Variants in CHD8 observed in about 807,000 individuals in gnomAD.
CHD8 encodes chromodomain helicase DNA binding protein 8.
A neutral mutation model predicts 279.2 loss-of-function variants in CHD8; 31 were observed. The ratio of observed to expected loss-of-function variants is 0.11; its 90% confidence interval spans 0.08 to 0.15. The LOEUF (loss-of-function observed/expected upper bound fraction) is 0.15. Ranked by LOEUF, CHD8 falls within the 10% of genes least tolerant of loss-of-function variation. The pLI is 1.00. For synonymous variants in CHD8, 1,081 were observed against 1,139.6 expected, an observed-to-expected ratio of 0.95 and a Z score of 1.04; for missense variants, 2,146 against 3,230.5, an observed-to-expected ratio of 0.66 and a Z score of 8.14.
chr14:21,393,986 C>T lies in CHD8; in HGVS notation c.5809G>A (p.Ala1937Thr). Residue 1937 changes from alanine (A) to threonine (T), a missense_variant, in exon 32 of 38, where the codon GCA (alanine) becomes ACA (threonine). This residue lies in a region of CHD8 where 513 missense variants were observed against 637.6 expected (regional missense o/e 0.80). Transcript: ENST00000646647. ...GTTTGGCTCACCCCATGGCGGGCTGCCCCTCTTAGAAGCTCCCCATCATGC... is the reference window on the plus strand; with the variant it reads ...GTTTGGCTCACCCCATGGCGGGCTGTCCCTCTTAGAAGCTCCCCATCATGC... ...VRHDGELLRG[A>T]ARHGVSQTDC... The T allele has an allele frequency of 6.2e-7, 1 of 1,613,924 alleles. No homozygotes were observed. The highest frequency in any genetic ancestry group is 8.5e-7 in the Non-Finnish European group (1 of 1,179,872).
chr14:21,420,890 G>A (rs1889006051), intron 5 of CHD8, among the ~76,000 whole-genome samples: 2 of 152,068 alleles, frequency 1.3e-5, no homozygotes, highest in South Asian at 4.1e-4. Flanking sequence ...AGCCTCCAGA[G>A]TAGCTGGGAT....
intron 1 of CHD8, among the ~76,000 whole-genome samples, chr14:21,440,833 G>A (rs559731819): frequency 1.3e-5 from 2 of 152,262 alleles, no homozygotes; most frequent in African/African-American, 4.8e-5. Context: ...TTACATTTTG[G>A]TTAGCTAACT....
rs768803809 is a variant in CHD8 at position 21,431,302 on chromosome 14, C to T, written c.342G>A (p.Thr114=). The T allele has an allele frequency of 6.4e-6, 10 of 1,558,982 alleles. No individual in the cohort carries two copies. The highest frequency in any genetic ancestry group is 1.7e-4 in the Middle Eastern group (1 of 6,040). Residue 114 remains threonine (T), a synonymous_variant, in exon 2 of 38, where the codon ACG becomes ACA. Coordinates refer to ENST00000646647, the MANE Select transcript of CHD8 (RefSeq NM_001170629.2). The part of the protein sequence containing the change: ...QPAQPVLQTS[T]PTSGLLQVSK... ...AGACTTGCAAAAGTCCTGATGTTGG[C>T]GTCGATGTCTGTAAGACAGGTTGGG...
intron 37 of CHD8, among the ~76,000 whole-genome samples, chr14:21,387,381 C>T (rs538727624): frequency 6.6e-6 from 1 of 152,162 alleles, no homozygotes; most frequent in Admixed American, 6.5e-5. Flanking sequence ...CCTGTAATCC[C>T]AGCACTTTGG....
intron 1 of CHD8, among the ~76,000 whole-genome samples, chr14:21,441,470 T>C (rs1209939108): frequency 2.6e-5 from 4 of 152,336 alleles, no homozygotes; most frequent in Non-Finnish European, 1.5e-5. Context: ...ATTGGCCTTT[T>C]GCTAAGATCA....
At chr14:21,388,423 TAATC>T (rs1401251463) in intron 37 of CHD8, among the ~76,000 whole-genome samples, 9 of 152,246 alleles carry the variant, frequency 5.9e-5, no homozygotes, top group Admixed American at 5.9e-4. Flanking sequence ...GTATTATAAG[TAATC>T]AAGAGATTAA....
Position 21,400,600 on chromosome 14 carries a change from C to T in CHD8, c.4383G>A (p.Trp1461Ter), listed in dbSNP as rs1555314402. 6.3e-7 allele frequency: 1 copy of T among 1,575,706 alleles called. No individual in the cohort carries two copies. Among genetic ancestry groups the T allele is most frequent in the Non-Finnish European group, 8.6e-7 (1 of 1,168,734 alleles). The stretch of plus-strand genomic sequence containing the variant: ...AGCGTCCATGAGATAAAATATCTCG[C>T]CATCGTCCCCAACTAAAAAACAGAA... ...KHLLVYGWGR[W>*]RDILSHGRFK... Residue 1461 changes from tryptophan (W) to a stop codon, truncating the protein, a stop_gained, in exon 23 of 38, where the codon TGG (tryptophan) becomes TGA (stop). Transcript: ENST00000646647. LOFTEE classifies it high-confidence loss of function. The surrounding 1 kb of genome is among the most constrained non-coding windows in gnomAD (Gnocchi z 4.2).
At chr14:21,423,775 C>T (rs1020609899) in intron 5 of CHD8, among the ~76,000 whole-genome samples, 3 of 152,134 alleles carry the variant, frequency 2.0e-5, no homozygotes, top group Non-Finnish European at 4.4e-5. Context: ...TTACTATGAG[C>T]CAAACACTGT....
intron 1 of CHD8, among the ~76,000 whole-genome samples, chr14:21,446,741 T>G (rs1890130486): frequency 6.6e-6 from 1 of 152,212 alleles, no homozygotes; most frequent in Non-Finnish European, 1.5e-5. Flanking sequence ...AGATGCAAAT[T>G]TAGGCAGTGT....
In CHD8 at chr14:21,401,517, G is replaced by A. The variant is rs1489178122; in HGVS notation, c.4063-4C>T. The A allele has an allele frequency of 2.0e-6, 3 of 1,535,682 alleles. No individual in the cohort carries two copies. The highest frequency in any genetic ancestry group is 4.7e-5 in the East Asian group (2 of 42,962). On this transcript the variant is annotated splice_region_variant and splice_polypyrimidine_tract_variant and intron_variant, in intron 20 of 37. Coordinates refer to ENST00000646647, the MANE Select transcript of CHD8 (RefSeq NM_001170629.2). Reference sequence around the variant, plus strand: ...TTTCAGAAGCAACAAAGCTTGCCTAGAGAAAAACAAATGCAGAGGTAAAGC... The same window carrying A: ...TTTCAGAAGCAACAAAGCTTGCCTAAAGAAAAACAAATGCAGAGGTAAAGC...
In CHD8 at chr14:21,414,742, A is replaced by G. The variant is rs1174770429; in HGVS notation, c.2024+196T>C. 1.1e-5 allele frequency: 7 copies of G among 628,648 alleles called. No individual in the cohort carries two copies. The South Asian group carries it at 1.1e-4, about 10-fold the overall frequency. 38.9% of individuals were successfully genotyped at this position (628,648 alleles called of 1,614,324 possible). The stretch of plus-strand genomic sequence containing the variant: ...TTTTATCAGGAACCACCCTCACCCC[A>G]CTTACCTACAAGGAAATAATAAGAG... On this transcript the variant is annotated intron_variant, in intron 8 of 37. Coordinates refer to ENST00000646647, the MANE Select transcript of CHD8 (RefSeq NM_001170629.2).
At chr14:21,433,982 C>T (rs1371143931) in intron 1 of CHD8, among the ~76,000 whole-genome samples, 3 of 151,798 alleles carry the variant, frequency 2.0e-5, no homozygotes, top group Non-Finnish European at 4.4e-5. Context: ...CTCTACTCAC[C>T]GTCAGAAGTT....
chr14:21,408,047 T>C lies in CHD8; in HGVS notation c.2730+265A>G, dbSNP rs1036745755. Among the ~76,000 whole-genome samples, 4 of 152,210 alleles carry C rather than the reference T, an allele frequency of 2.6e-5. No individual in the cohort carries two copies. The highest frequency in any genetic ancestry group is 9.6e-5 in the African/African-American group (4 of 41,456). ...TACTGTGATTAAAATTCATTGATGC[T>C]GACAAAATTCTACTTAAAATGTGTA... On this transcript the variant is annotated intron_variant, in intron 13 of 37. Transcript: ENST00000646647. The surrounding 1 kb of genome is among the most constrained non-coding windows in gnomAD (Gnocchi z 4.3).
intron 5 of CHD8, among the ~76,000 whole-genome samples, chr14:21,416,999 C>T (rs1236145806): frequency 1.1e-4 from 16 of 152,110 alleles, no homozygotes; most frequent in Admixed American, 1.0e-3. Flanking sequence ...ACTCAGGAGG[C>T]TGAGGCAGGA....
chr14:21,452,937 C>T (rs941661229), intron 1 of CHD8, among the ~76,000 whole-genome samples: 4 of 150,954 alleles, frequency 2.6e-5, no homozygotes, highest in Admixed American at 1.3e-4. Context: ...GAGCAAAGAT[C>T]GCACCACTGC....
intron 10 of CHD8, among the ~76,000 whole-genome samples, chr14:21,410,289 C>CTT (rs1238097310): frequency 6.6e-6 from 1 of 152,144 alleles, no homozygotes; most frequent in African/African-American, 2.4e-5. Context: ...AAAGACTAAT[C>CTT]TTTTCCTATA....
intron 5 of CHD8, among the ~76,000 whole-genome samples, chr14:21,418,856 C>T (rs1888878806): frequency 6.6e-6 from 1 of 152,106 alleles, no homozygotes; most frequent in African/African-American, 2.4e-5. Flanking sequence ...CAAAAATAGG[C>T]TAAGTTAATC....
In CHD8 at chr14:21,431,805, C is replaced by T. The variant is rs752742833; in HGVS notation, c.-162G>A. 4 of 1,613,444 alleles carry T rather than the reference C, an allele frequency of 2.5e-6. No homozygotes were observed. The highest frequency in any genetic ancestry group is 1.7e-5 in the Admixed American group (1 of 59,994). On this transcript the variant is annotated 5_prime_UTR_variant, in exon 2 of 38. Transcript: ENST00000646647. ...AAGAAACAAGTGCATGTCAGATTGT[C>T]CTGACCTTCATGGAGCAAGATGGCT... is the stretch of plus-strand genomic sequence containing the variant.
intron 2 of CHD8, 194 bp downstream of exon 2, chr14:21,430,607 C>T (rs977928387): frequency 3.5e-6 from 2 of 564,558 alleles, no homozygotes; most frequent in Admixed American, 6.1e-5. Context: ...GTAGTAAGAG[C>T]TCAAAAAATA....
Sources: allele counts gnomAD v4.1 joint callset (sites outside exome capture counted in the v4.1 genomes callset), GRCh38; gene constraint gnomAD v4.1.1; regional missense constraint gnomAD v4.1.1; non-coding constraint Gnocchi (gnomAD v3.1); transcripts MANE v1.5; gene names NCBI Gene and HGNC (gene_info 2026-07-23, HGNC 2026-07-21).